CNGB1: variants seen among roughly 807,000 people sequenced by gnomAD.
The protein encoded by CNGB1 is cyclic nucleotide gated channel subunit beta 1.
A neutral mutation model predicts 151.7 loss-of-function variants in CNGB1; 126 were observed. The observed-to-expected ratio is 0.83, with a 90% CI of 0.72 to 0.96. CNGB1 has a LOEUF of 0.96. CNGB1 is among the 40% of genes least tolerant of loss of function. The pLI, the probability that CNGB1 is intolerant of heterozygous loss-of-function variation, is 0.00. For missense variants in CNGB1, 1,698 were observed against 1,627.0 expected (o/e 1.04, Z -0.75); for synonymous variants, 623 against 635.1 (o/e 0.98, Z 0.29).
chr16:57,909,573 G>A (rs1398793892), intron 25 of CNGB1, among the ~76,000 whole-genome samples: 2 of 152,134 alleles, frequency 1.3e-5, no homozygotes, highest in Non-Finnish European at 2.9e-5. Context: ...ATTTTTAGTA[G>A]AGATGTGGTT....
At position 57,947,439 on chromosome 16, in the gene CNGB1, C is replaced by T. The variant is rs569619970; in HGVS notation, c.1121+1914G>A. ...AATGAAACCAGGCAGCAGCTAAGTT[C>T]CTCATCTTGCTGGGACTGCAGGGTG... On this transcript the variant is annotated intron_variant, in intron 14 of 32. Coordinates refer to ENST00000251102, the MANE Select transcript of CNGB1 (RefSeq NM_001297.5). Among the ~76,000 whole-genome samples the T allele has an allele frequency of 9.7e-4, 147 of 152,314 alleles. 2 individuals are homozygous for T. In the Middle Eastern group the frequency reaches 0.017, roughly 18 times the overall value.
At chr16:57,895,764 T>A (rs1445581587) in intron 31 of CNGB1, among the ~76,000 whole-genome samples, 1 of 152,046 alleles carries the variant, frequency 6.6e-6, no homozygotes, top group Admixed American at 6.6e-5. Flanking sequence ...AAGTACAAGA[T>A]GAACCAGGGC....
At chr16:57,941,023 C>T (rs1961654597) in intron 14 of CNGB1, among the ~76,000 whole-genome samples, 1 of 152,096 alleles carries the variant, frequency 6.6e-6, no homozygotes, top group South Asian at 2.1e-4. Context: ...GAAAAGGGGG[C>T]CCAGGTGGCC....
chr16:57,970,550 C>T (rs925031371), intron 1 of CNGB1, among the ~76,000 whole-genome samples: 4 of 152,228 alleles, frequency 2.6e-5, no homozygotes, highest in Non-Finnish European at 5.9e-5. Flanking sequence ...GAGTGTTGGC[C>T]TCTTCCGCGG....
intron 1 of CNGB1, among the ~76,000 whole-genome samples, chr16:57,967,515 G>A (rs1005541058): frequency 5.9e-5 from 9 of 152,100 alleles, no homozygotes; most frequent in Admixed American, 1.3e-4. Context: ...GCAAGACAGC[G>A]AGACCCTCGT....
chr16:57,931,677 C>T, intron 17 of CNGB1, 39 bp downstream of exon 17: 1 of 1,610,162 alleles, frequency 6.2e-7, no homozygotes, highest in Non-Finnish European at 8.5e-7. Context: ...ACAGGTGGCA[C>T]AGTGCCGAGA....
Position 57,916,159 on chromosome 16 carries a change from T to G in CNGB1, c.2187A>C (p.Arg729=). The change falls in exon 22 of 33, where the codon CGA becomes CGC. Residue 729 remains arginine, a synonymous_variant. Coordinates refer to ENST00000251102, the MANE Select transcript of CNGB1 (RefSeq NM_001297.5). ...AGCGGCGAGACTTCAGGTAGTTATT[T>G]CGCATGTCCTTTTTGTCCGTCTGAA... ...GDIITDKKDM[R]NNYLKSRRFK... The G allele has an allele frequency of 6.2e-7, 1 of 1,614,038 alleles. No individual in the cohort carries two copies. The highest frequency in any genetic ancestry group is 1.1e-5 in the South Asian group (1 of 91,072).
Position 57,919,186 on chromosome 16 carries a change from C to T in CNGB1, c.1870G>A (p.Glu624Lys). 1 of 1,614,212 alleles carries T rather than the reference C, an allele frequency of 6.2e-7. No homozygotes were observed. Among genetic ancestry groups the T allele is most frequent in the Non-Finnish European group, 8.5e-7 (1 of 1,180,044 alleles). Residue 624 changes from glutamate (E) to lysine (K), a missense_variant, in exon 20 of 33, where the codon GAG becomes AAG. Glu to Lys is a moderately conservative substitution (Grantham distance 56, BLOSUM62 1). Transcript: ENST00000251102. Reference protein sequence around the residue: ...KPAEAEPVEEEHYCDMLCCKF... With the variant: ...KPAEAEPVEEKHYCDMLCCKF... ...CAGCAGAGCATGTCGCAATAGTGCTCCTCTTCCACTGGCTCGGCTTCAGCG... is the reference window on the plus strand; with the variant it reads ...CAGCAGAGCATGTCGCAATAGTGCTTCTCTTCCACTGGCTCGGCTTCAGCG...
chr16:57,915,399 G>A (rs903770994), intron 22 of CNGB1, 64 bp from the exon 23 acceptor site: 4 of 1,265,566 alleles, frequency 3.2e-6, no homozygotes, highest in African/African-American at 2.9e-5. Flanking sequence ...GGTGAGGGGA[G>A]TGAGAGGCGG....
At chr16:57,933,553 GATA>G (rs1961419095) in intron 16 of CNGB1, among the ~76,000 whole-genome samples, 1 of 152,088 alleles carries the variant, frequency 6.6e-6, no homozygotes, top group Non-Finnish European at 1.5e-5. Flanking sequence ...GAGAGGCTGG[GATA>G]GTATTCCTCC....
chr16:57,907,590 T>G (rs1960589997), intron 25 of CNGB1, among the ~76,000 whole-genome samples: 1 of 152,244 alleles, frequency 6.6e-6, no homozygotes, highest in Non-Finnish European at 1.5e-5. Flanking sequence ...ATTGTGCCTG[T>G]GGGAACACTG....
intron 14 of CNGB1, 46 bp downstream of exon 14, chr16:57,949,307 A>G: frequency 1.2e-6 from 2 of 1,602,346 alleles, no homozygotes; most frequent in South Asian, 1.1e-5. Flanking sequence ...AGCTCAGCCA[A>G]CCCCAGCCCC....
chr16:57,930,794 A>C (rs919705810), intron 17 of CNGB1, among the ~76,000 whole-genome samples: 12 of 152,176 alleles, frequency 7.9e-5, no homozygotes, highest in African/African-American at 2.7e-4. Context: ...GAGATATCTA[A>C]AGTAGTCAAG....
At chr16:57,970,376 C>A (rs1218004459) in intron 1 of CNGB1, among the ~76,000 whole-genome samples, 1 of 152,164 alleles carries the variant, frequency 6.6e-6, no homozygotes, top group Non-Finnish European at 1.5e-5. Context: ...ACGCCCCGCC[C>A]AGCCCCTGCA....
intron 2 of CNGB1, 132 bp downstream of exon 2, chr16:57,966,996 C>G (rs1174063980): frequency 7.9e-7 from 1 of 1,258,864 alleles, no homozygotes; most frequent in Non-Finnish European, 1.1e-6. Context: ...AGTGTGGGAC[C>G]CTGTGACCCC....
chr16:57,954,741 C>CA, intron 12 of CNGB1: 3 of 969,408 alleles, frequency 3.1e-6, no homozygotes, highest in Non-Finnish European at 3.7e-6. Context: ...TTGGTGTCCC[C>CA]AAGCCTTGGA....
intron 7 of CNGB1, 125 bp from the exon 8 acceptor site, chr16:57,961,040 G>A (rs1962242335): frequency 1.2e-6 from 1 of 845,742 alleles, no homozygotes; most frequent in Non-Finnish European, 2.0e-6. Flanking sequence ...CACAGTGGGG[G>A]CCTTGTCCTG....
chr16:57,956,492 C>T lies in CNGB1; in HGVS notation c.874+849G>A, dbSNP rs201804474. 3.1e-3 allele frequency among the ~76,000 whole-genome samples: 479 copies of T among 152,334 alleles called. 2 individuals are homozygous for T. Among genetic ancestry groups the T allele is most frequent in the African/African-American group, 0.011 (457 of 41,572 alleles). ...GTGCTCCAGGCCATGGCGGCCACCC[C>T]CGGCTTCAGGGCACTCATGGAGACC... On this transcript the variant is annotated intron_variant, in intron 12 of 32. Coordinates refer to ENST00000251102, the MANE Select transcript of CNGB1 (RefSeq NM_001297.5).
chr16:57,928,720 C>T (rs566285164), intron 17 of CNGB1, among the ~76,000 whole-genome samples: 3 of 152,314 alleles, frequency 2.0e-5, no homozygotes, highest in East Asian at 1.9e-4. Context: ...TCACTGCAAC[C>T]GCTGCCTCGC....
Sources: gnomAD v4.1 joint callset for allele counts (sites outside exome capture counted in the v4.1 genomes callset) on GRCh38, gnomAD v4.1.1 for gene constraint, MANE v1.5 for transcripts, NCBI Gene and HGNC (gene_info 2026-07-23, HGNC 2026-07-21) for gene names.